Variants in EPHA5 observed in about 807,000 individuals in gnomAD.
EPHA5 encodes the protein EPH receptor A5.
A neutral mutation model predicts 105.0 loss-of-function variants in EPHA5; 60 were observed. The observed-to-expected ratio is 0.57, with a 90% CI of 0.46 to 0.71. EPHA5 has a LOEUF of 0.71. EPHA5 is among the 30% of genes least tolerant of loss of function. The pLI is 0.00. For synonymous variants in EPHA5, 513 were observed against 449.1 expected, an observed-to-expected ratio of 1.14 and a Z score of -1.80; for missense variants, 1,218 against 1,274.7, an observed-to-expected ratio of 0.96 and a Z score of 0.68.
chr4:65,644,910 C>T (rs968496347), intron 1 of EPHA5, among the ~76,000 whole-genome samples: 1 of 151,904 alleles, frequency 6.6e-6, no homozygotes, highest in African/African-American at 2.4e-5. Flanking sequence ...TTTCTGAGCT[C>T]ATTAACTATA....
intron 2 of EPHA5, among the ~76,000 whole-genome samples, chr4:65,642,434 T>C (rs1453629972): frequency 2.0e-5 from 3 of 152,070 alleles, no homozygotes; most frequent in Non-Finnish European, 4.4e-5. Context: ...TTTTGTTTGT[T>C]TTTTGTTATT....
At chr4:65,379,630 C>T (rs969672097) in intron 8 of EPHA5, among the ~76,000 whole-genome samples, 14 of 151,700 alleles carry the variant, frequency 9.2e-5, no homozygotes, top group African/African-American at 3.4e-4. Flanking sequence ...AAAGTGTTAG[C>T]TATTACTCTT....
intron 11 of EPHA5, among the ~76,000 whole-genome samples, chr4:65,360,781 A>G (rs1285090865): frequency 6.6e-6 from 1 of 151,520 alleles, no homozygotes; most frequent in African/African-American, 2.4e-5. Context: ...CTAGCTTAAG[A>G]TCTTTACATA....
chr4:65,387,982 A>C (rs1168414927), intron 8 of EPHA5, among the ~76,000 whole-genome samples: 1 of 44,146 alleles, frequency 2.3e-5, no homozygotes, highest in African/African-American at 1.0e-4. Flanking sequence ...CCCACCCCAC[A>C]ACAGTTCCCA....
intron 3 of EPHA5, among the ~76,000 whole-genome samples, chr4:65,580,142 GA>G (rs199731277): frequency 1.8e-3 from 270 of 151,428 alleles, no homozygotes; most frequent in African/African-American, 5.5e-3. Context: ...CTTTTTGAAA[GA>G]AAAAAAATTT....
chr4:65,328,182 T>TA (rs1413875601), intron 16 of EPHA5, among the ~76,000 whole-genome samples: 3 of 151,180 alleles, frequency 2.0e-5, no homozygotes, highest in African/African-American at 7.3e-5. Flanking sequence ...GATATAGGCC[T>TA]ATGAATCTAA....
At chr4:65,474,662 A>G (rs1317062151) in intron 5 of EPHA5, among the ~76,000 whole-genome samples, 1 of 152,214 alleles carries the variant, frequency 6.6e-6, no homozygotes, top group Non-Finnish European at 1.5e-5. Flanking sequence ...GCTTGTTCTG[A>G]TAAAGAAGAT....
At chr4:65,460,902 T>C (rs1168993013) in intron 5 of EPHA5, among the ~76,000 whole-genome samples, 1 of 151,834 alleles carries the variant, frequency 6.6e-6, no homozygotes, top group Admixed American at 6.6e-5. Flanking sequence ...TGATTTTTCT[T>C]ACAGATTTTA....
At chr4:65,447,167 T>A (rs1238219873) in intron 5 of EPHA5, among the ~76,000 whole-genome samples, 1 of 151,844 alleles carries the variant, frequency 6.6e-6, no homozygotes, top group Non-Finnish European at 1.5e-5. Context: ...TTACTTATTG[T>A]TCTTCTGATT....
intron 3 of EPHA5, among the ~76,000 whole-genome samples, chr4:65,572,999 C>T (rs1422831752): frequency 6.6e-6 from 1 of 151,912 alleles, no homozygotes; most frequent in East Asian, 1.9e-4. Flanking sequence ...CCATTGCACT[C>T]AAGCCCGGGC....
intron 8 of EPHA5, among the ~76,000 whole-genome samples, chr4:65,385,872 A>G (rs542635041): frequency 6.6e-6 from 1 of 151,998 alleles, no homozygotes; most frequent in East Asian, 1.9e-4. Flanking sequence ...TATAATACTG[A>G]TAAAAATCAG....
intron 5 of EPHA5, among the ~76,000 whole-genome samples, chr4:65,458,022 C>T (rs974002659): frequency 1.6e-4 from 21 of 134,878 alleles, no homozygotes; most frequent in African/African-American, 5.3e-4. Context: ...TGCAGTGAGC[C>T]GAGATTACAC....
chr4:65,368,909 A>G (rs1718184866), intron 8 of EPHA5, among the ~76,000 whole-genome samples: 1 of 152,138 alleles, frequency 6.6e-6, no homozygotes, highest in African/African-American at 2.4e-5. Context: ...TCCAACTGTC[A>G]AAGTTCAGTT....
At chr4:65,514,937 C>A (rs1410248646) in intron 3 of EPHA5, among the ~76,000 whole-genome samples, 1 of 152,114 alleles carries the variant, frequency 6.6e-6, no homozygotes, top group Middle Eastern at 3.2e-3. Context: ...GCCAATATTT[C>A]CTGTAATGAA....
At chr4:65,410,719 T>C (rs919014498) in intron 7 of EPHA5, among the ~76,000 whole-genome samples, 47 of 152,334 alleles carry the variant, frequency 3.1e-4, no homozygotes, top group African/African-American at 1.1e-3. Flanking sequence ...AAGAGTGGTC[T>C]GTATTGCTGT....
intron 1 of EPHA5, among the ~76,000 whole-genome samples, chr4:65,657,348 T>C (rs900624632): frequency 6.6e-6 from 1 of 152,188 alleles, no homozygotes; most frequent in Non-Finnish European, 1.5e-5. Context: ...GGCTGATAGC[T>C]GTTCAAGTGA....
At chr4:65,664,547 A>C (rs1749808848) in intron 1 of EPHA5, among the ~76,000 whole-genome samples, 1 of 151,964 alleles carries the variant, frequency 6.6e-6, no homozygotes, top group African/African-American at 2.4e-5. Flanking sequence ...CATATGATAA[A>C]TTTTTAAAAT....
intron 3 of EPHA5, among the ~76,000 whole-genome samples, chr4:65,600,493 T>G (rs1346291165): frequency 1.3e-5 from 2 of 152,158 alleles, no homozygotes; most frequent in African/African-American, 4.8e-5. Flanking sequence ...AGAGAATTAA[T>G]TAACCAAGTT....
At chr4:65,361,077 C>A (rs1244385402) in intron 11 of EPHA5, among the ~76,000 whole-genome samples, 1 of 151,638 alleles carries the variant, frequency 6.6e-6, no homozygotes, top group East Asian at 1.9e-4. Context: ...GATCTAGGAA[C>A]ACACAAGTGA....
Sources: gnomAD v4.1 joint callset for allele counts (sites outside exome capture counted in the v4.1 genomes callset) on GRCh38, gnomAD v4.1.1 for gene constraint, MANE v1.5 for transcripts, NCBI Gene and HGNC (gene_info 2026-07-23, HGNC 2026-07-21) for gene names.